Variants in VTI1A observed in about 807,000 individuals in gnomAD.
VTI1A encodes vesicle transport through interaction with t-SNAREs homolog 1A.
In VTI1A, 22 loss-of-function variants were observed where a neutral mutation model predicts 34.9. That is an observed-to-expected ratio of 0.63 (90% CI 0.45 to 0.90). The LOEUF is 0.90. Ranked by LOEUF, VTI1A falls within the 40% of genes least tolerant of loss-of-function variation. The probability of loss-of-function intolerance (pLI) is 0.00; values close to 1 mark genes in which losing one functional copy is unlikely to be tolerated. For synonymous variants in VTI1A, 87 were observed against 97.3 expected (o/e 0.89, Z 0.62); for missense variants, 268 against 275.6 (o/e 0.97, Z 0.20).
chr10:112,842,595 G>A, the VTI1A span, among the ~76,000 whole-genome samples: 1 of 152,168 alleles, frequency 6.6e-6, no homozygotes, highest in Non-Finnish European at 1.5e-5. Flanking sequence ...AAAGAACCAA[G>A]CTGTTTCTGT....
rs963119473 is a variant in VTI1A, at chr10:112,538,562, G to A, written c.427+232G>A. The A allele has an allele frequency of 2.2e-5, 9 of 413,280 alleles. No homozygotes were observed. In the South Asian group the frequency reaches 4.7e-4, roughly 22 times the overall value. 25.6% of individuals were successfully genotyped at this position (413,280 alleles called of 1,614,324 possible). ...TAAAAGTATACATCTGAAAAGAGAT[G>A]GAATACTTTGTCTAAATTCTACATT... On this transcript the variant is annotated intron_variant, in intron 5 of 7. Transcript: ENST00000393077.
At chr10:112,821,076 G>A (rs142893378), downstream of VTI1A, among the ~76,000 whole-genome samples, 100 of 152,270 alleles carry the variant, frequency 6.6e-4, no homozygotes, top group East Asian at 4.1e-3. Context: ...ATCCGGAATC[G>A]CTCGTTACTC....
intron 3 of VTI1A, among the ~76,000 whole-genome samples, chr10:112,488,702 A>G (rs545399900): frequency 1.2e-4 from 18 of 151,938 alleles, no homozygotes; most frequent in Non-Finnish European, 1.9e-4. Flanking sequence ...TCTGGTCTTC[A>G]TTTCTTTTTG....
At chr10:112,755,536 A>G (rs900466703) in intron 7 of VTI1A, among the ~76,000 whole-genome samples, 3 of 152,212 alleles carry the variant, frequency 2.0e-5, no homozygotes, top group African/African-American at 7.2e-5. Flanking sequence ...CCCTGCACGG[A>G]GCAGCGCCCA....
chr10:112,850,592 G>T, the VTI1A span, among the ~76,000 whole-genome samples: 1 of 152,098 alleles, frequency 6.6e-6, no homozygotes, highest in African/African-American at 2.4e-5. Flanking sequence ...TTAAGTTTCT[G>T]CAGAGCACCT....
At chr10:112,478,730 C>A (rs1848363400) in intron 3 of VTI1A, among the ~76,000 whole-genome samples, 1 of 151,976 alleles carries the variant, frequency 6.6e-6, no homozygotes, top group Admixed American at 6.6e-5. Context: ...TATTTTATAT[C>A]ATTTTATTAT....
chr10:112,560,623 A>C (rs1377614771), intron 5 of VTI1A, among the ~76,000 whole-genome samples: 1 of 123,738 alleles, frequency 8.1e-6, no homozygotes, highest in Non-Finnish European at 1.6e-5. Context: ...TTTGCGATGG[A>C]GTCTCACTCT....
intron 5 of VTI1A, among the ~76,000 whole-genome samples, chr10:112,587,541 CTA>C (rs1844208525): frequency 6.6e-6 from 1 of 152,010 alleles, no homozygotes; most frequent in Non-Finnish European, 1.5e-5. Context: ...GACCAAATGG[CTA>C]TGTTAAACAG....
intron 7 of VTI1A, among the ~76,000 whole-genome samples, chr10:112,676,037 T>C (rs956127175): frequency 6.6e-6 from 1 of 152,190 alleles, no homozygotes; most frequent in African/African-American, 2.4e-5. Flanking sequence ...TATTTGTTAT[T>C]ATCATTATCG....
chr10:112,710,271 G>A (rs894060772), intron 7 of VTI1A, among the ~76,000 whole-genome samples: 1 of 145,502 alleles, frequency 6.9e-6, no homozygotes, highest in Non-Finnish European at 1.5e-5. Flanking sequence ...GCATTGGCAT[G>A]CTCTCAGCTC....
At chr10:112,760,418 T>C (rs1851424318) in intron 7 of VTI1A, among the ~76,000 whole-genome samples, 1 of 152,202 alleles carries the variant, frequency 6.6e-6, no homozygotes, top group Admixed American at 6.5e-5. Context: ...TTTCAGACCT[T>C]GGGTAACTGA....
At chr10:112,638,920 A>G (rs1309255774) in intron 5 of VTI1A, among the ~76,000 whole-genome samples, 1 of 151,980 alleles carries the variant, frequency 6.6e-6, no homozygotes, top group East Asian at 1.9e-4. Context: ...ATTTGGTGGA[A>G]TTATGACATT....
At chr10:112,800,782 T>C (rs756593296) in intron 7 of VTI1A, among the ~76,000 whole-genome samples, 3 of 152,206 alleles carry the variant, frequency 2.0e-5, no homozygotes, top group Non-Finnish European at 2.9e-5. Flanking sequence ...AGAGACTACA[T>C]TTCTAATGTC....
chr10:112,686,444 AG>A lies in VTI1A; in HGVS notation c.560+17451del, dbSNP rs550220120. On this transcript the variant is annotated intron_variant, in intron 7 of 7. Coordinates refer to ENST00000393077, the MANE Select transcript of VTI1A (RefSeq NM_145206.4). ...GTGATTTTTAAAATTGCCCTAGATA[AG>A]GGGGCCATACAAACTATTTCTATAG... Among the ~76,000 whole-genome samples the A allele has an allele frequency of 1.7e-3, 255 of 152,284 alleles. 3 individuals are homozygous for A. Among genetic ancestry groups the A allele is most frequent in the African/African-American group, 6.0e-3 (250 of 41,564 alleles).
intron 7 of VTI1A, among the ~76,000 whole-genome samples, chr10:112,733,280 T>A (rs1238878181): frequency 6.6e-6 from 1 of 152,198 alleles, no homozygotes; most frequent in Non-Finnish European, 1.5e-5. Flanking sequence ...CATTTGAAAG[T>A]ATAGCATGCA....
At chr10:112,778,327 TG>T (rs1852013065) in intron 7 of VTI1A, among the ~76,000 whole-genome samples, 1 of 152,206 alleles carries the variant, frequency 6.6e-6, no homozygotes, top group Non-Finnish European at 1.5e-5. Flanking sequence ...CTCTGAGCAC[TG>T]GTGGAAGTTC....
At chr10:112,709,162 G>C (rs186181437) in intron 7 of VTI1A, among the ~76,000 whole-genome samples, 33 of 152,108 alleles carry the variant, frequency 2.2e-4, no homozygotes, top group African/African-American at 7.7e-4. Context: ...GATTAGTCCC[G>C]GCCTTCATTT....
chr10:112,548,856 A>G, intron 5 of VTI1A: 2 of 1,451,168 alleles, frequency 1.4e-6, no homozygotes, highest in Non-Finnish European at 1.9e-6. Flanking sequence ...CCAGCTTTTT[A>G]CCGGAACGGT....
intron 5 of VTI1A, among the ~76,000 whole-genome samples, chr10:112,549,771 C>T (rs1238233496): frequency 6.6e-6 from 1 of 151,964 alleles, no homozygotes; most frequent in Admixed American, 6.6e-5. Context: ...AAAAGTCTGT[C>T]CAGTTCAGTT....
Sources: gnomAD v4.1 joint callset for allele counts (sites outside exome capture counted in the v4.1 genomes callset) on GRCh38, gnomAD v4.1.1 for gene constraint, MANE v1.5 for transcripts, NCBI Gene and HGNC (gene_info 2026-07-23, HGNC 2026-07-21) for gene names.